The following MEGF6 variants were observed in gnomAD, a reference collection of about 807,000 sequenced individuals.
The protein encoded by MEGF6 is multiple epidermal growth factor-like domains protein 6.
MEGF6 carries 184 observed loss-of-function variants against 207.1 expected under a neutral mutation model. That is an observed-to-expected ratio of 0.89 (90% CI 0.79 to 1.00). The LOEUF is 1.00. Ranked by LOEUF, MEGF6 falls within the 50% of genes least tolerant of loss-of-function variation. The pLI is 0.00. For synonymous variants in MEGF6, 1,038 were observed against 910.0 expected, an observed-to-expected ratio of 1.14 and a Z score of -2.53; for missense variants, 2,282 against 2,202.9, an observed-to-expected ratio of 1.04 and a Z score of -0.72.
intron 4 of MEGF6, among the ~76,000 whole-genome samples, chr1:3,544,014 C>T (rs932510453): frequency 2.0e-5 from 3 of 152,202 alleles, no homozygotes; most frequent in African/African-American, 4.8e-5. Context: ...ATTCACCACC[C>T]GGAGCCGCTC....
intron 1 of MEGF6, among the ~76,000 whole-genome samples, chr1:3,608,119 G>GT (rs1270059183): frequency 6.6e-6 from 1 of 152,042 alleles, no homozygotes; most frequent in African/African-American, 2.4e-5. Flanking sequence ...TTAAAGGCTC[G>GT]TTTTTACCCC....
chr1:3,569,125 C>T (rs1643428192), intron 4 of MEGF6, among the ~76,000 whole-genome samples: 1 of 152,228 alleles, frequency 6.6e-6, no homozygotes, highest in South Asian at 2.1e-4. Context: ...GCCATAGCCA[C>T]CTCCAGCCCA....
At chr1:3,510,753 C>A (rs775769793) in intron 10 of MEGF6, 30 bp downstream of exon 10, 1 of 1,580,550 alleles carries the variant, frequency 6.3e-7, no homozygotes, top group Non-Finnish European at 8.6e-7. Flanking sequence ...CCAGGCCACC[C>A]CAGCTGTGCA....
At position 3,542,157 on chromosome 1, in the gene MEGF6, C is replaced by T. The variant is rs569828067; in HGVS notation, c.482-17911G>A. 5.8e-4 allele frequency among the ~76,000 whole-genome samples: 88 copies of T among 152,322 alleles called. 1 individual carries two copies. The highest frequency in any genetic ancestry group is 2.0e-3 in the African/African-American group (84 of 41,590). On this transcript the variant is annotated intron_variant, in intron 4 of 36. Coordinates refer to ENST00000356575, the MANE Select transcript of MEGF6 (RefSeq NM_001409.4). ...AAGGAGGGGTCAGCCGGGGTGGGAG[C>T]AGCACAGTGTCGGGGCTGAATCCAG...
At chr1:3,502,909 G>A (rs934867084) in intron 17 of MEGF6, among the ~76,000 whole-genome samples, 6 of 152,170 alleles carry the variant, frequency 3.9e-5, no homozygotes, top group East Asian at 3.9e-4. Flanking sequence ...CCAGCGAGGC[G>A]CAGCCACTCT....
At chr1:3,542,306 CTG>C (rs1256961954) in intron 4 of MEGF6, among the ~76,000 whole-genome samples, 2 of 152,272 alleles carry the variant, frequency 1.3e-5, no homozygotes, top group Admixed American at 6.5e-5. Context: ...TACATTGTCA[CTG>C]TGGTCTTCCA....
At chr1:3,495,555 C>T (rs572538656) in intron 30 of MEGF6, among the ~76,000 whole-genome samples, 1 of 152,362 alleles carries the variant, frequency 6.6e-6, no homozygotes, top group African/African-American at 2.4e-5. Context: ...GCCACCCAAT[C>T]CCTTCTGCAA....
intron 4 of MEGF6, among the ~76,000 whole-genome samples, chr1:3,578,668 C>G (rs1643709450): frequency 6.6e-6 from 1 of 152,246 alleles, no homozygotes; most frequent in Admixed American, 6.5e-5. Context: ...GCCGTCCCAG[C>G]TAACAGAGGA....
intron 4 of MEGF6, among the ~76,000 whole-genome samples, chr1:3,540,299 G>A (rs1416686298): frequency 6.6e-6 from 1 of 152,214 alleles, no homozygotes; most frequent in African/African-American, 2.4e-5. Context: ...GACCACAGAC[G>A]CCCTGTCGGA....
chr1:3,518,564 C>A (rs1422478643), intron 5 of MEGF6, among the ~76,000 whole-genome samples: 1 of 152,232 alleles, frequency 6.6e-6, no homozygotes, highest in East Asian at 1.9e-4. Flanking sequence ...GGCTGACTGG[C>A]GGGCTGCGCC....
intron 2 of MEGF6, among the ~76,000 whole-genome samples, chr1:3,602,205 C>G (rs1437636895): frequency 6.6e-6 from 1 of 152,236 alleles, no homozygotes; most frequent in African/African-American, 2.4e-5. Context: ...CCGGGCTGGG[C>G]CCCTCCTCCT....
intron 4 of MEGF6, among the ~76,000 whole-genome samples, chr1:3,549,571 C>T (rs1642821374): frequency 6.6e-6 from 1 of 152,312 alleles, no homozygotes; most frequent in East Asian, 1.9e-4. Flanking sequence ...GCAGGCACCC[C>T]GTTGGTTGAC....
At chr1:3,610,488 T>C (rs1644310487) in intron 1 of MEGF6, among the ~76,000 whole-genome samples, 1 of 102,112 alleles carries the variant, frequency 9.8e-6, no homozygotes, top group Non-Finnish European at 2.0e-5. Context: ...CTCCTCCTCC[T>C]CCTCCTCCTC....
chr1:3,565,424 G>A lies in MEGF6; in HGVS notation c.481+14401C>T, dbSNP rs529176787. On this transcript the variant is annotated intron_variant, in intron 4 of 36. Coordinates refer to ENST00000356575, the MANE Select transcript of MEGF6 (RefSeq NM_001409.4). The surrounding 1 kb of genome is among the most constrained non-coding windows in gnomAD (Gnocchi z 4.8). ...CTCAAGGCCACCAGGGGGTGCCAGCGCCCCACCCTGAGCACGCGGCAAGAA... is the reference window on the plus strand; with the variant it reads ...CTCAAGGCCACCAGGGGGTGCCAGCACCCCACCCTGAGCACGCGGCAAGAA... Among the ~76,000 whole-genome samples, 66 of 152,172 alleles carry A rather than the reference G, an allele frequency of 4.3e-4. No homozygotes were observed. Among genetic ancestry groups the A allele is most frequent in the Non-Finnish European group, 9.1e-4 (62 of 68,030 alleles).
chr1:3,532,924 A>T (rs1374302716), intron 4 of MEGF6, among the ~76,000 whole-genome samples: 2 of 152,218 alleles, frequency 1.3e-5, no homozygotes, highest in Non-Finnish European at 2.9e-5. Context: ...AGAGGTGAGG[A>T]AACTGAGGCC....
At chr1:3,511,974 C>A (rs906995497) in intron 8 of MEGF6, 32 bp downstream of exon 8, 1 of 1,611,238 alleles carries the variant, frequency 6.2e-7, no homozygotes, top group Non-Finnish European at 8.5e-7. Context: ...CCATCCCGGG[C>A]ACCTTCAGCC....
chr1:3,596,287 T>C (rs1457237088), intron 2 of MEGF6, among the ~76,000 whole-genome samples: 1 of 151,894 alleles, frequency 6.6e-6, no homozygotes, highest in Non-Finnish European at 1.5e-5. Flanking sequence ...CTGCTGGGAA[T>C]GGGCAGCCCG....
Position 3,515,490 on chromosome 1 carries a change from C to A in MEGF6, c.642G>T (p.Gln214His). 1 of 1,612,602 alleles carries A rather than the reference C, an allele frequency of 6.2e-7. No individual in the cohort carries two copies. Among genetic ancestry groups the A allele is most frequent in the Non-Finnish European group, 8.5e-7 (1 of 1,179,880 alleles). Residue 214 changes from glutamine (Q) to histidine (H), a missense_variant, in exon 6 of 37, where the codon CAG (glutamine) becomes CAT (histidine). Physicochemically the swap from Gln to His is conservative, Grantham distance 24 (BLOSUM62 0). Coordinates refer to ENST00000356575, the MANE Select transcript of MEGF6 (RefSeq NM_001409.4). The stretch of plus-strand genomic sequence containing the variant: ...TGATTGTGAGCTGGACACAGTGGTG[C>A]TGGCAGCCGCCATTGCCCAGGGCGC... ...NSCALGNGGC[Q>H]HHCVQLTITR...
At chr1:3,586,905 G>T (rs1464679781) in intron 3 of MEGF6, among the ~76,000 whole-genome samples, 4 of 152,302 alleles carry the variant, frequency 2.6e-5, no homozygotes, top group Admixed American at 2.6e-4. Context: ...CCTGACTATA[G>T]GTGCCAAGGC....
Sources: gnomAD v4.1 joint callset for allele counts (sites outside exome capture counted in the v4.1 genomes callset) on GRCh38, gnomAD v4.1.1 for gene constraint, Gnocchi (gnomAD v3.1) non-coding constraint, MANE v1.5 for transcripts, NCBI Gene and HGNC (gene_info 2026-07-23, HGNC 2026-07-21) for gene names.